TAF7: variants seen among roughly 807,000 people sequenced by gnomAD.
The protein encoded by TAF7 is TATA-box binding protein associated factor 7.
In TAF7, 9 loss-of-function variants were observed where a neutral mutation model predicts 25.3. The ratio of observed to expected loss-of-function variants is 0.36; its 90% CI spans 0.21 to 0.62. The LOEUF is 0.62. TAF7 is among the 20% of genes least tolerant of loss of function. TAF7 has a pLI of 0.72. For synonymous variants in TAF7, 127 were observed against 146.7 expected, an observed-to-expected ratio of 0.87 and a Z score of 0.97; for missense variants, 311 against 410.6, an observed-to-expected ratio of 0.76 and a Z score of 2.10.
At position 141,319,242 on chromosome 5, in the gene TAF7, T is replaced by G. The variant is rs1756122041; in HGVS notation, c.803A>C (p.His268Pro). ...CTGATTGGTTCCTTCATTTTCCTGG[T>G]GCTGTTCATCTGATTCATTTAGCTT... is the stretch of plus-strand genomic sequence containing the variant. ...QDKLNESDEQ[H>P]QENEGTNQLV... Residue 268 changes from histidine to proline, a missense_variant, in exon 1 of 1, where the codon CAC becomes CCC. Coordinates refer to ENST00000313368, the MANE Select transcript of TAF7 (RefSeq NM_005642.3). The surrounding 1 kb of genome is among the most constrained non-coding windows in gnomAD (Gnocchi z 5.3). The G allele has an allele frequency of 6.2e-7, 1 of 1,614,018 alleles. No individual in the cohort carries two copies. The highest frequency in any genetic ancestry group is 8.5e-7 in the Non-Finnish European group (1 of 1,180,048).
At position 141,320,353 on chromosome 5, in the gene TAF7, GAGCT is replaced by G. The variant is rs1183251277; in HGVS notation, c.-313_-310del. On this transcript the variant is annotated 5_prime_UTR_variant, in exon 1 of 1. Transcript: ENST00000313368. Reference sequence around the variant, plus strand: ...GTGCCGCTGCCGGACAACGCGGAGAGAGCTAGCTAGCTAGCTAGGGAACAGGAAA... The same window carrying G: ...GTGCCGCTGCCGGACAACGCGGAGAGAGCTAGCTAGCTAGGGAACAGGAAA... 48 of 259,074 alleles carry G rather than the reference GAGCT, an allele frequency of 1.9e-4. No individual in the cohort carries two copies. The highest frequency in any genetic ancestry group is 3.7e-4 in the East Asian group (4 of 10,884). The allele number at this position is 259,074 out of a possible 1,614,324, so 16.0% of individuals were successfully genotyped here.
Position 141,318,905 on chromosome 5 carries a change from G to A in TAF7, c.*90C>T. On this transcript the variant is annotated 3_prime_UTR_variant, in exon 1 of 1. Coordinates refer to ENST00000313368, the MANE Select transcript of TAF7 (RefSeq NM_005642.3). Reference sequence around the variant, plus strand: ...GAACACACAGCATTAAAAGGACTAGGAAGAGCAAGGTCTTAATACCCAGTA... The same window carrying A: ...GAACACACAGCATTAAAAGGACTAGAAAGAGCAAGGTCTTAATACCCAGTA... 8.9e-7 allele frequency: 1 copy of A among 1,123,578 alleles called. No homozygotes were observed. Among genetic ancestry groups the A allele is most frequent in the Non-Finnish European group, 1.2e-6 (1 of 810,284 alleles). The allele number at this position is 1,123,578 out of a possible 1,614,324, so 69.6% of individuals were successfully genotyped here. A position where few individuals can be genotyped will look rare whatever the true frequency, so the allele number is the denominator to read the frequency against.
chr5:141,319,498 T>C lies in TAF7; in HGVS notation c.547A>G (p.Ile183Val). The stretch of plus-strand genomic sequence containing the variant: ...TCCTTTGTTTCATCTTCGGCAATTA[T>C]TTCCCACCGAGTACTAACAGCTTCA... ...DAEAVSTRWEIIAEDETKEAE... is the reference protein window; with the variant it reads ...DAEAVSTRWEVIAEDETKEAE... The change falls in exon 1 of 1, where the codon ATA becomes GTA. Residue 183 changes from isoleucine to valine, a missense_variant. By Grantham distance (29) the Ile-to-Val change is conservative (BLOSUM62 3). Coordinates refer to ENST00000313368, the MANE Select transcript of TAF7 (RefSeq NM_005642.3). The surrounding 1 kb of genome is among the most constrained non-coding windows in gnomAD (Gnocchi z 5.3). The C allele has an allele frequency of 6.2e-7, 1 of 1,614,172 alleles. No individual in the cohort carries two copies. The highest frequency in any genetic ancestry group is 8.5e-7 in the Non-Finnish European group (1 of 1,180,024).
Position 141,319,880 on chromosome 5 carries a change from G to C in TAF7, c.165C>G (p.Ile55Met). ...IELHPDGRHG[I>M]VRVDRVPLAS... ...CCAATGGAACACGGTCCACTCTGAC[G>C]ATTCCATGACGCCCATCAGGATGTA... The change falls in exon 1 of 1, where the codon ATC becomes ATG. Residue 55 changes from isoleucine (I) to methionine (M), a missense_variant. Physicochemically the swap from Ile to Met is conservative, Grantham distance 10. This residue lies in a region of TAF7 where 119 missense variants were observed against 159.3 expected (regional missense o/e 0.75). Transcript: ENST00000313368. This position sits in a 1 kb window ranked among gnomAD's most constrained non-coding sequence, Gnocchi z 5.3. The C allele has an allele frequency of 6.2e-7, 1 of 1,614,132 alleles. No individual in the cohort carries two copies. The highest frequency in any genetic ancestry group is 1.3e-5 in the African/African-American group (1 of 75,018).
Position 141,318,822 on chromosome 5 carries a change from G to A in TAF7, c.*173C>T. ...CTGCTTCTTATAGGATGAACACCTA[G>A]CAAAACAATATAAATTTGCTGAAAA... On this transcript the variant is annotated 3_prime_UTR_variant, in exon 1 of 1. Coordinates refer to ENST00000313368, the MANE Select transcript of TAF7 (RefSeq NM_005642.3). 1.7e-6 allele frequency: 1 copy of A among 587,656 alleles called. No homozygotes were observed. Among genetic ancestry groups the A allele is most frequent in the Non-Finnish European group, 2.8e-6 (1 of 353,916 alleles). The allele number at this position is 587,656 out of a possible 1,614,324, so 36.4% of individuals were successfully genotyped here.
At position 141,319,391 on chromosome 5, in the gene TAF7, C is replaced by T. The variant is rs749835078; in HGVS notation, c.654G>A (p.Glu218=). 1 of 1,614,150 alleles carries T rather than the reference C, an allele frequency of 6.2e-7. No individual in the cohort carries two copies. Among genetic ancestry groups the T allele is most frequent in the Middle Eastern group, 1.6e-4 (1 of 6,062 alleles). The change falls in exon 1 of 1, where the codon GAG becomes GAA. Residue 218 remains glutamate (E), a synonymous_variant. Transcript: ENST00000313368. The surrounding 1 kb of genome is among the most constrained non-coding windows in gnomAD (Gnocchi z 5.3). The part of the protein sequence containing the change: ...RQGHDSLEHD[E]LREIFNDLSS... Reference sequence around the variant, plus strand: ...TGAGGTCATTGAATATCTCCCGAAGCTCATCATGTTCTAATGAGTCATGGC... The same window carrying T: ...TGAGGTCATTGAATATCTCCCGAAGTTCATCATGTTCTAATGAGTCATGGC...
Position 141,320,458 on chromosome 5 carries a change from CG to C in TAF7, c.-415del, listed in dbSNP as rs1194604199. 1 of 174,096 alleles carries C rather than the reference CG, an allele frequency of 5.7e-6. No individual in the cohort carries two copies. The highest frequency in any genetic ancestry group is 2.4e-5 in the African/African-American group (1 of 41,538). 10.8% of individuals were successfully genotyped at this position (174,096 alleles called of 1,614,324 possible). On this transcript the variant is annotated 5_prime_UTR_variant, in exon 1 of 1. Coordinates refer to ENST00000313368, the MANE Select transcript of TAF7 (RefSeq NM_005642.3). Reference sequence around the variant, plus strand: ...GATACTTTCAACTCACAAACTCTCCCGGAACAAAGACACTCAAAAAATCAGG... The same window carrying C: ...GATACTTTCAACTCACAAACTCTCCCGAACAAAGACACTCAAAAAATCAGG...
chr5:141,319,596 T>C lies in TAF7; in HGVS notation c.449A>G (p.Lys150Arg), dbSNP rs1756126943. Residue 150 changes from lysine (K) to arginine (R), a missense_variant, in exon 1 of 1, where the codon AAG (lysine) becomes AGG (arginine). Transcript: ENST00000313368. The surrounding 1 kb of genome is among the most constrained non-coding windows in gnomAD (Gnocchi z 5.3). The part of the protein sequence containing the change: ...LKNVRKRRFR[K>R]TAKKKYIESP... ...TTCAATATATTTCTTCTTTGCTGTC[T>C]TCCGGAACCTTCTCTTCCTGACATT... is the stretch of plus-strand genomic sequence containing the variant. 6.2e-7 allele frequency: 1 copy of C among 1,614,046 alleles called. No homozygotes were observed. Among genetic ancestry groups the C allele is most frequent in the African/African-American group, 1.3e-5 (1 of 74,918 alleles).
chr5:141,319,216 G>C lies in TAF7; in HGVS notation c.829C>G (p.Leu277Val). 1 of 1,614,030 alleles carries C rather than the reference G, an allele frequency of 6.2e-7. No individual in the cohort carries two copies. Among genetic ancestry groups the C allele is most frequent in the Non-Finnish European group, 8.5e-7 (1 of 1,180,008 alleles). ...QHQENEGTNQ[L>V]VMGIQKQIDN... ...ATCTGCTTCTGAATTCCCATAACCA[G>C]CTGATTGGTTCCTTCATTTTCCTGG... Residue 277 changes from leucine (L) to valine (V), a missense_variant, in exon 1 of 1, where the codon CTG becomes GTG. By Grantham distance (32) the Leu-to-Val change is conservative. Around this residue, in one of 3 missense-constraint regions of TAF7, gnomAD observed 179 missense variants for 206.7 expected, o/e 0.87. Coordinates refer to ENST00000313368, the MANE Select transcript of TAF7 (RefSeq NM_005642.3). The surrounding 1 kb of genome is among the most constrained non-coding windows in gnomAD (Gnocchi z 5.3).
rs1488233716 is a variant in TAF7, at chr5:141,319,507, G to A, written c.538C>T (p.Arg180Trp). 6.2e-7 allele frequency: 1 copy of A among 1,613,806 alleles called. No individual in the cohort carries two copies. Among genetic ancestry groups the A allele is most frequent in the Non-Finnish European group, 8.5e-7 (1 of 1,180,016 alleles). ...TCATCTTCGGCAATTATTTCCCACC[G>A]AGTACTAACAGCTTCAGCATCTGTA... ...LSTDAEAVST[R>W]WEIIAEDETK... Residue 180 changes from arginine (R) to tryptophan (W), a missense_variant, in exon 1 of 1, where the codon CGG becomes TGG. Coordinates refer to ENST00000313368, the MANE Select transcript of TAF7 (RefSeq NM_005642.3). The surrounding 1 kb of genome is among the most constrained non-coding windows in gnomAD (Gnocchi z 5.3).
chr5:141,319,175 G>A lies in TAF7; in HGVS notation c.870C>T (p.Gly290=). The change falls in exon 1 of 1, where the codon GGC becomes GGT. Residue 290 remains glycine, a synonymous_variant. Transcript: ENST00000313368. The surrounding 1 kb of genome is among the most constrained non-coding windows in gnomAD (Gnocchi z 5.3). ...GIQKQIDNMK[G]KLQETQDRAK... The stretch of plus-strand genomic sequence containing the variant: ...CCCTGTCCTGGGTCTCTTGGAGCTT[G>A]CCTTTCATGTTGTCAATCTGCTTCT... The A allele has an allele frequency of 6.2e-7, 1 of 1,614,090 alleles. No individual in the cohort carries two copies.
rs1234402629 is a variant in TAF7, at chr5:141,318,914, G to A, written c.*81C>T. ...GCATTAAAAGGACTAGGAAGAGCAA[G>A]GTCTTAATACCCAGTACAATAAAGC... On this transcript the variant is annotated 3_prime_UTR_variant, in exon 1 of 1. Transcript: ENST00000313368. 2.5e-6 allele frequency: 3 copies of A among 1,181,036 alleles called. No homozygotes were observed. Among genetic ancestry groups the A allele is most frequent in the Middle Eastern group, 2.6e-4 (1 of 3,806 alleles). The allele number at this position is 1,181,036 out of a possible 1,614,324, so 73.2% of individuals were successfully genotyped here.
chr5:141,318,796 C>T lies in TAF7; in HGVS notation c.*199G>A. 1 of 496,746 alleles carries T rather than the reference C, an allele frequency of 2.0e-6. No homozygotes were observed. The highest frequency in any genetic ancestry group is 3.3e-5 in the East Asian group (1 of 29,906). 30.8% of individuals were successfully genotyped at this position (496,746 alleles called of 1,614,324 possible). On this transcript the variant is annotated 3_prime_UTR_variant, in exon 1 of 1. Transcript: ENST00000313368. Reference sequence around the variant, plus strand: ...ACAATCATTTTTCTGCCTATACAATCCTGCTTCTTATAGGATGAACACCTA... The same window carrying T: ...ACAATCATTTTTCTGCCTATACAATTCTGCTTCTTATAGGATGAACACCTA...
rs1756114172 is a variant in TAF7 at position 141,318,713 on chromosome 5, T to C, written c.*282A>G. 7.6e-6 allele frequency: 2 copies of C among 262,726 alleles called. No homozygotes were observed. The highest frequency in any genetic ancestry group is 1.4e-5 in the Non-Finnish European group (2 of 139,642). The allele number at this position is 262,726 out of a possible 1,614,324, so 16.3% of individuals were successfully genotyped here. A position where few individuals can be genotyped will look rare whatever the true frequency, so the allele number is the denominator to read the frequency against. ...AGAAAATGGAGAAACAGTAAAGTCC[T>C]GCAATGAAGCTATAATTAAGGTTGA... On this transcript the variant is annotated 3_prime_UTR_variant, in exon 1 of 1. Coordinates refer to ENST00000313368, the MANE Select transcript of TAF7 (RefSeq NM_005642.3).
rs1326899631 is a variant in TAF7 at position 141,319,806 on chromosome 5, A to G, written c.239T>C (p.Ile80Thr). 1.2e-6 allele frequency: 2 copies of G among 1,613,978 alleles called. No individual in the cohort carries two copies. Among genetic ancestry groups the G allele is most frequent in the African/African-American group, 1.3e-5 (1 of 74,884 alleles). The change falls in exon 1 of 1, where the codon ATT becomes ACT. Residue 80 changes from isoleucine to threonine, a missense_variant. By Grantham distance (89) the Ile-to-Thr change is moderately conservative. Transcript: ENST00000313368. The surrounding 1 kb of genome is among the most constrained non-coding windows in gnomAD (Gnocchi z 5.3). ...LPCVMESLKTIDKKTFYKTAD... is the reference protein window; with the variant it reads ...LPCVMESLKTTDKKTFYKTAD... ...TGTCTTGTAAAAAGTTTTTTTATCA[A>G]TGGTTTTCAAGCTTTCCATAACACA...
Position 141,318,506 on chromosome 5 carries a change from T to C in TAF7, c.*489A>G, listed in dbSNP as rs1756110824. ...GATACACTATAAAGTGAAAAACAGA[T>C]GCTTTTATTTATTGTATTGGAAACA... On this transcript the variant is annotated 3_prime_UTR_variant, in exon 1 of 1. Coordinates refer to ENST00000313368, the MANE Select transcript of TAF7 (RefSeq NM_005642.3). The C allele has an allele frequency of 6.6e-6, 1 of 152,626 alleles. No homozygotes were observed. Among genetic ancestry groups the C allele is most frequent in the African/African-American group, 2.4e-5 (1 of 41,462 alleles). 9.5% of individuals were successfully genotyped at this position (152,626 alleles called of 1,614,324 possible).
chr5:141,319,301 G>C lies in TAF7; in HGVS notation c.744C>G (p.Asp248Glu), dbSNP rs140359856. 109 of 1,613,912 alleles carry C rather than the reference G, an allele frequency of 6.8e-5. No homozygotes were observed. In the African/African-American group the frequency reaches 1.2e-3, roughly 17 times the overall value. ...GCTGTCTCTCCAGATCTTCCTCCGT[G>C]TCAATGATGTTTATATCTTCTTCAT... The part of the protein sequence containing the change: ...HQDEEDINII[D>E]TEEDLERQLQ... The change falls in exon 1 of 1, where the codon GAC becomes GAG. Residue 248 changes from aspartate to glutamate, a missense_variant. Physicochemically the swap from Asp to Glu is conservative, Grantham distance 45. Around this residue, in one of 3 missense-constraint regions of TAF7, gnomAD observed 179 missense variants for 206.7 expected, o/e 0.87. Coordinates refer to ENST00000313368, the MANE Select transcript of TAF7 (RefSeq NM_005642.3). The surrounding 1 kb of genome is among the most constrained non-coding windows in gnomAD (Gnocchi z 5.3).
Position 141,319,811 on chromosome 5 carries a change from T to C in TAF7, c.234A>G (p.Lys78=), listed in dbSNP as rs777254007. ...TGTAAAAAGTTTTTTTATCAATGGT[T>C]TTCAAGCTTTCCATAACACAGGGCA... The part of the protein sequence containing the change: ...VDLPCVMESL[K]TIDKKTFYKT... The change falls in exon 1 of 1, where the codon AAA becomes AAG. Residue 78 remains lysine (K), a synonymous_variant. Coordinates refer to ENST00000313368, the MANE Select transcript of TAF7 (RefSeq NM_005642.3). This position sits in a 1 kb window ranked among gnomAD's most constrained non-coding sequence, Gnocchi z 5.3. The C allele has an allele frequency of 1.5e-5, 24 of 1,614,062 alleles. No homozygotes were observed. The highest frequency in any genetic ancestry group is 4.5e-5 in the East Asian group (2 of 44,876).
Position 141,319,931 on chromosome 5 carries a change from G to A in TAF7, c.114C>T (p.Asn38=), listed in dbSNP as rs762028820. ...ACTCAATTGTCAGTCTGTCCTTGAG[G>A]TTGACATGACCAGACTGTACTGCCC... ...VRRAVQSGHV[N]LKDRLTIELH... Residue 38 remains asparagine, a synonymous_variant, in exon 1 of 1, where the codon AAC becomes AAT. Transcript: ENST00000313368. The surrounding 1 kb of genome is among the most constrained non-coding windows in gnomAD (Gnocchi z 5.3). 5.6e-6 allele frequency: 9 copies of A among 1,614,062 alleles called. No homozygotes were observed. The highest frequency in any genetic ancestry group is 2.7e-5 in the African/African-American group (2 of 74,918).
Sources: gnomAD v4.1 joint callset for allele counts on GRCh38, gnomAD v4.1.1 for gene constraint, gnomAD v4.1.1 regional missense constraint, Gnocchi (gnomAD v3.1) non-coding constraint, MANE v1.5 for transcripts, NCBI Gene and HGNC (gene_info 2026-07-23, HGNC 2026-07-21) for gene names.